Variants in RASAL2 observed in about 807,000 individuals in gnomAD.
RASAL2 encodes the protein RAS protein activator like 2, also known as ras GTPase-activating protein nGAP.
Under a neutral mutation model 128.9 loss-of-function variants are expected in RASAL2, and 58 were observed. That is an observed-to-expected ratio of 0.45 (90% CI 0.36 to 0.56). The LOEUF (loss-of-function observed/expected upper bound fraction) is 0.56. Among genes scored for constraint, RASAL2 ranks in the 20% least tolerant of loss-of-function variants. The pLI is 0.00. For missense variants in RASAL2, 1,360 were observed against 1,601.6 expected, an observed-to-expected ratio of 0.85 and a Z score of 2.57; for synonymous variants, 561 against 580.8, an observed-to-expected ratio of 0.97 and a Z score of 0.49.
intron 1 of RASAL2, among the ~76,000 whole-genome samples, chr1:178,259,753 G>A (rs1665571101): frequency 6.6e-6 from 1 of 151,970 alleles, no homozygotes; most frequent in Admixed American, 6.6e-5. Context: ...TTGTTGAGAT[G>A]GGATCTCACT....
chr1:178,223,689 C>T (rs934992132), intron 1 of RASAL2, among the ~76,000 whole-genome samples: 2 of 151,896 alleles, frequency 1.3e-5, no homozygotes, highest in Non-Finnish European at 2.9e-5. Context: ...TTTTGGTGGT[C>T]ATAGTAGATG....
chr1:178,399,980 G>A (rs1205729252), intron 4 of RASAL2, among the ~76,000 whole-genome samples: 1 of 152,166 alleles, frequency 6.6e-6, no homozygotes, highest in Non-Finnish European at 1.5e-5. Context: ...AACAAGACTA[G>A]TTTCATACAT....
rs759025315 is a variant in RASAL2, at chr1:178,467,371, G to A, written c.3628G>A (p.Ala1210Thr). The A allele has an allele frequency of 9.3e-6, 15 of 1,614,038 alleles. No individual in the cohort carries two copies. The part of the protein sequence containing the change: ...AVEEELKKDH[A>T]EMQAVIDAKQ... ...GGAAGAGGAACTGAAGAAGGATCAT[G>A]CTGAGATGCAAGCAGTTATTGATGC... The change falls in exon 17 of 18, where the codon GCT becomes ACT. Residue 1210 changes from alanine (A) to threonine (T), a missense_variant. This residue lies in a region of RASAL2 where 741 missense variants were observed against 868.6 expected (regional missense o/e 0.85). Coordinates refer to ENST00000367649, the MANE Select transcript of RASAL2 (RefSeq NM_170692.4).
At chr1:178,265,293 C>T (rs949700479) in intron 1 of RASAL2, among the ~76,000 whole-genome samples, 1 of 152,170 alleles carries the variant, frequency 6.6e-6, no homozygotes, top group African/African-American at 2.4e-5. Flanking sequence ...GAGTCTTCCT[C>T]TGTCACCCAG....
At position 178,420,639 on chromosome 1, in the gene RASAL2, T is replaced by TAAAA; in HGVS notation, c.674+20_674+23dup. The TAAAA allele has an allele frequency of 6.5e-7, 1 of 1,547,670 alleles. No homozygotes were observed. Among genetic ancestry groups the TAAAA allele is most frequent in the Admixed American group, 1.9e-5 (1 of 53,472 alleles). On this transcript the variant is annotated intron_variant, in intron 5 of 17. Transcript: ENST00000367649. ...ATGACAGGTAGGAAGTTAACTTTCT[T>TAAAA]AAAACAAAAAAAGCAGTTTGAGAGT...
intron 1 of RASAL2, among the ~76,000 whole-genome samples, chr1:178,265,869 A>G (rs1161009325): frequency 2.0e-5 from 3 of 152,216 alleles, no homozygotes; most frequent in Non-Finnish European, 2.9e-5. Flanking sequence ...AAAATTACAC[A>G]TCTTTTGTAT....
intron 1 of RASAL2, among the ~76,000 whole-genome samples, chr1:178,192,064 A>T (rs1169360850): frequency 6.6e-6 from 1 of 152,158 alleles, no homozygotes; most frequent in Non-Finnish European, 1.5e-5. Flanking sequence ...ATGGACCTAA[A>T]TAAAAACTCA....
intron 3 of RASAL2, among the ~76,000 whole-genome samples, chr1:178,340,208 C>G (rs1286463989): frequency 6.6e-6 from 1 of 151,884 alleles, no homozygotes. Flanking sequence ...ATGATAGATA[C>G]AGTGTATGTG....
intron 1 of RASAL2, among the ~76,000 whole-genome samples, chr1:178,140,956 C>T (rs1406099450): frequency 6.6e-6 from 1 of 152,176 alleles, no homozygotes; most frequent in Non-Finnish European, 1.5e-5. Context: ...GTGAGGGCCT[C>T]AGGAAGCGGA....
At chr1:178,267,960 C>CT (rs1424354468) in intron 1 of RASAL2, among the ~76,000 whole-genome samples, 1 of 150,338 alleles carries the variant, frequency 6.7e-6, no homozygotes, top group Admixed American at 6.6e-5. Flanking sequence ...ATCTTCCTCT[C>CT]TTTTTTTACT....
rs1157140017 is a variant in RASAL2 at position 178,202,741 on chromosome 1, C to G, written c.203-80823C>G. On this transcript the variant is annotated intron_variant, in intron 1 of 17. Coordinates refer to ENST00000367649, the MANE Select transcript of RASAL2 (RefSeq NM_170692.4). ...AAGGTATTTGTATCCCATGTGGGTGCTCACCAAAGGGTGACCTTGGCAGAG... is the reference window on the plus strand; with the variant it reads ...AAGGTATTTGTATCCCATGTGGGTGGTCACCAAAGGGTGACCTTGGCAGAG... Among the ~76,000 whole-genome samples the G allele has an allele frequency of 2.0e-5, 3 of 152,174 alleles. No individual in the cohort carries two copies. The East Asian group carries it at 5.8e-4, about 29-fold the overall frequency.
In RASAL2 at chr1:178,300,007, G is replaced by T. The variant is rs767048499; in HGVS notation, c.346G>T (p.Gly116Ter). Reference sequence around the variant, plus strand: ...GATTAACTAGATACCTGTGGAAGGGGGACAGGAGCAGCAGACAGATTCCAC... The same window carrying T: ...GATTAACTAGATACCTGTGGAAGGGTGACAGGAGCAGCAGACAGATTCCAC... ...NKEKEIPVEG[G>*]QEQQTDSTKG... The change falls in exon 3 of 18, where the codon GGA becomes TGA. Residue 116 changes from glycine (G) to a stop codon, truncating the protein, a stop_gained. Coordinates refer to ENST00000367649, the MANE Select transcript of RASAL2 (RefSeq NM_170692.4). LOFTEE classifies it high-confidence loss of function. The T allele has an allele frequency of 6.2e-7, 1 of 1,613,822 alleles. No homozygotes were observed. Among genetic ancestry groups the T allele is most frequent in the Non-Finnish European group, 8.5e-7 (1 of 1,179,898 alleles).
rs756164820 is a variant in RASAL2 at position 178,443,111 on chromosome 1, T to A, written c.1364T>A (p.Phe455Tyr). 9.9e-6 allele frequency: 16 copies of A among 1,613,970 alleles called. No individual in the cohort carries two copies. In the South Asian group the frequency reaches 1.8e-4, roughly 18 times the overall value. The change falls in exon 8 of 18, where the codon TTT (phenylalanine) becomes TAT (tyrosine). Residue 455 changes from phenylalanine (F) to tyrosine (Y), a missense_variant. By Grantham distance (22) the Phe-to-Tyr change is conservative. This residue lies in a region of RASAL2 where 617 missense variants were observed against 714.2 expected (regional missense o/e 0.86). Coordinates refer to ENST00000367649, the MANE Select transcript of RASAL2 (RefSeq NM_170692.4). ...PMEQYKEFAE[F>Y]VTSNYTMLCS... Reference sequence around the variant, plus strand: ...GAGCAATACAAAGAATTTGCAGAATTTGTCACCAGCAACTACACCATGCTG... The same window carrying A: ...GAGCAATACAAAGAATTTGCAGAATATGTCACCAGCAACTACACCATGCTG...
chr1:178,147,350 C>T (rs541497606), intron 1 of RASAL2, among the ~76,000 whole-genome samples: 12 of 151,670 alleles, frequency 7.9e-5, no homozygotes, highest in South Asian at 4.2e-4. Context: ...ATTAGCTGGG[C>T]GTGGTAGTGT....
intron 3 of RASAL2, among the ~76,000 whole-genome samples, chr1:178,327,961 C>T (rs903589301): frequency 6.6e-6 from 1 of 152,052 alleles, no homozygotes; most frequent in Non-Finnish European, 1.5e-5. Context: ...CAGGAGCCAC[C>T]AGAAATAGGA....
intron 1 of RASAL2, among the ~76,000 whole-genome samples, chr1:178,129,376 A>G (rs938976789): frequency 6.6e-6 from 1 of 152,120 alleles, no homozygotes; most frequent in African/African-American, 2.4e-5. Context: ...TGTGCTTACT[A>G]TATATTTGTA....
intron 3 of RASAL2, among the ~76,000 whole-genome samples, chr1:178,388,947 C>T (rs1045813659): frequency 3.3e-5 from 5 of 152,138 alleles, no homozygotes; most frequent in Non-Finnish European, 7.4e-5. Flanking sequence ...GTATTTCTTT[C>T]TTGCTTGCTC....
intron 1 of RASAL2, among the ~76,000 whole-genome samples, chr1:178,105,423 T>C (rs1299120874): frequency 6.6e-6 from 1 of 152,222 alleles, no homozygotes; most frequent in Non-Finnish European, 1.5e-5. Flanking sequence ...AACAAACTGT[T>C]TTTAACTTTT....
At chr1:178,147,479 C>CAAAAAAAAAAAA (rs71297899) in intron 1 of RASAL2, among the ~76,000 whole-genome samples, 6 of 82,968 alleles carry the variant, frequency 7.2e-5, no homozygotes, top group African/African-American at 2.1e-4. Flanking sequence ...GACTCCGTCT[C>CAAAAAAAAAAAA]AAAAAAAAAA....
Sources: allele counts gnomAD v4.1 joint callset (sites outside exome capture counted in the v4.1 genomes callset), GRCh38; gene constraint gnomAD v4.1.1; regional missense constraint gnomAD v4.1.1; transcripts MANE v1.5; gene names NCBI Gene and HGNC (gene_info 2026-07-23, HGNC 2026-07-21).